IMMP2L: variants seen among roughly 807,000 people sequenced by gnomAD.
The protein encoded by IMMP2L is inner mitochondrial membrane peptidase subunit 2, also known as mitochondrial inner membrane protease subunit 2.
A neutral mutation model predicts 19.3 loss-of-function variants in IMMP2L; 18 were observed. The ratio of observed to expected loss-of-function variants is 0.93; its 90% CI spans 0.64 to 1.38. IMMP2L has a LOEUF of 1.38. Among genes scored for constraint, IMMP2L ranks in the 40% most tolerant of loss-of-function variants. The pLI is 0.00. For missense variants in IMMP2L, 233 were observed against 218.2 expected (o/e 1.07, Z -0.43); for synonymous variants, 76 against 73.0 (o/e 1.04, Z -0.21).
chr7:111,176,972 T>C lies in IMMP2L; in HGVS notation c.240-213407A>G, dbSNP rs574776741. On this transcript the variant is annotated intron_variant, in intron 3 of 5. Transcript: ENST00000405709. Reference sequence around the variant, plus strand: ...CCTTTCTTTCTGCATAATTCTTTTCTTCCTGAATATACACTTCATTGGATG... The same window carrying C: ...CCTTTCTTTCTGCATAATTCTTTTCCTCCTGAATATACACTTCATTGGATG... Among the ~76,000 whole-genome samples the C allele has an allele frequency of 6.6e-5, 10 of 152,134 alleles. No homozygotes were observed. The East Asian group carries it at 1.9e-3, about 30-fold the overall frequency.
At chr7:110,766,472 A>C (rs1798669601) in intron 5 of IMMP2L, among the ~76,000 whole-genome samples, 1 of 151,440 alleles carries the variant, frequency 6.6e-6, no homozygotes, top group Admixed American at 6.6e-5. Context: ...CGCGCTTGTA[A>C]TCCCAGTTAC....
At chr7:110,811,333 G>T (rs1802020136) in intron 5 of IMMP2L, among the ~76,000 whole-genome samples, 1 of 151,950 alleles carries the variant, frequency 6.6e-6, no homozygotes, top group Non-Finnish European at 1.5e-5. Flanking sequence ...GACTCATAAA[G>T]AAGATATCAC....
chr7:111,111,667 G>T (rs1799220146), intron 3 of IMMP2L, among the ~76,000 whole-genome samples: 1 of 151,776 alleles, frequency 6.6e-6, no homozygotes, highest in Non-Finnish European at 1.5e-5. Flanking sequence ...GTCCCCCCCT[G>T]CGTCAATAGT....
intron 3 of IMMP2L, among the ~76,000 whole-genome samples, chr7:111,185,400 T>C (rs771972675): frequency 3.3e-5 from 5 of 152,128 alleles, no homozygotes; most frequent in Non-Finnish European, 5.9e-5. Flanking sequence ...TGTCTGAATA[T>C]GTTCATTGCA....
At chr7:110,930,958 A>G (rs1815410622) in intron 4 of IMMP2L, among the ~76,000 whole-genome samples, 1 of 152,210 alleles carries the variant, frequency 6.6e-6, no homozygotes, top group African/African-American at 2.4e-5. Context: ...TCACTAATAA[A>G]TTATGTGATC....
Position 111,217,120 on chromosome 7 carries a change from T to TCACACACACACACA in IMMP2L, c.240-253556_240-253555insTGTGTGTGTGTGTG, listed in dbSNP as rs1385796500. On this transcript the variant is annotated intron_variant, in intron 3 of 5. Coordinates refer to ENST00000405709, the MANE Select transcript of IMMP2L (RefSeq NM_032549.4). ...CCGTCTCTCTCTCTCTCTCTCTCTC[T>TCACACACACACACA]CTCTCTCACACACACACACACACAC... Among the ~76,000 whole-genome samples the TCACACACACACACA allele has an allele frequency of 4.8e-4, 66 of 137,894 alleles. 1 individual carries two copies. Among genetic ancestry groups the TCACACACACACACA allele is most frequent in the African/African-American group, 1.8e-3 (60 of 33,250 alleles). The allele number at this position is 137,894 out of a possible 152,430, so 90.5% of individuals were successfully genotyped here. A position where few individuals can be genotyped will look rare whatever the true frequency, so the allele number is the denominator to read the frequency against.
chr7:111,250,305 A>G (rs1815944020), intron 3 of IMMP2L, among the ~76,000 whole-genome samples: 1 of 152,192 alleles, frequency 6.6e-6, no homozygotes, highest in Non-Finnish European at 1.5e-5. Context: ...GGAAGAATCA[A>G]TACCAAGAAA....
intron 3 of IMMP2L, among the ~76,000 whole-genome samples, chr7:111,409,019 A>G (rs1431187460): frequency 6.6e-6 from 1 of 151,778 alleles, no homozygotes; most frequent in Non-Finnish European, 1.5e-5. Flanking sequence ...ACCATTTGTA[A>G]TTGAAAATAA....
intron 3 of IMMP2L, among the ~76,000 whole-genome samples, chr7:111,051,272 A>G (rs927492879): frequency 1.8e-4 from 27 of 152,224 alleles, no homozygotes; most frequent in Non-Finnish European, 2.9e-4. Context: ...TAATAAAACT[A>G]TGCATAGTTT....
intron 3 of IMMP2L, among the ~76,000 whole-genome samples, chr7:111,327,310 G>A (rs895638769): frequency 5.3e-5 from 8 of 151,892 alleles, no homozygotes; most frequent in Non-Finnish European, 8.8e-5. Context: ...TAAAATTCAT[G>A]TAAGAGAAAA....
intron 3 of IMMP2L, among the ~76,000 whole-genome samples, chr7:111,347,156 G>T (rs1410905683): frequency 1.3e-5 from 2 of 152,064 alleles, no homozygotes; most frequent in African/African-American, 2.4e-5. Flanking sequence ...GCTTGAGGAA[G>T]AAGAATTTTG....
chr7:110,934,564 A>G (rs1475562364), intron 4 of IMMP2L, among the ~76,000 whole-genome samples: 1 of 152,146 alleles, frequency 6.6e-6, no homozygotes, highest in African/African-American at 2.4e-5. Flanking sequence ...CCCTCTTCAG[A>G]TTTATTTTCA....
intron 5 of IMMP2L, among the ~76,000 whole-genome samples, chr7:110,850,707 TAAA>T (rs542479859): frequency 3.0e-5 from 4 of 133,172 alleles, no homozygotes; most frequent in Admixed American, 7.5e-5. Flanking sequence ...AAATTCTTAG[TAAA>T]AAAAAAAAGA....
At chr7:110,712,886 C>T (rs1267388650) in intron 5 of IMMP2L, among the ~76,000 whole-genome samples, 3 of 138,208 alleles carry the variant, frequency 2.2e-5, no homozygotes, top group Non-Finnish European at 3.1e-5. Context: ...AGTGCGCACA[C>T]ACACTGGCCT....
At chr7:111,296,778 C>T (rs1821681771) in intron 3 of IMMP2L, among the ~76,000 whole-genome samples, 1 of 151,860 alleles carries the variant, frequency 6.6e-6, no homozygotes, top group African/African-American at 2.4e-5. Flanking sequence ...AAGTTAAAAA[C>T]AATCCAAATG....
At chr7:111,049,641 G>T (rs534071768) in intron 3 of IMMP2L, among the ~76,000 whole-genome samples, 1 of 152,116 alleles carries the variant, frequency 6.6e-6, no homozygotes, top group Non-Finnish European at 1.5e-5. Context: ...CGTAGCAACA[G>T]AATATTAAAT....
chr7:111,173,664 C>T (rs1302342923), intron 3 of IMMP2L, among the ~76,000 whole-genome samples: 1 of 151,618 alleles, frequency 6.6e-6, no homozygotes, highest in East Asian at 1.9e-4. Flanking sequence ...TCTGGAGTAA[C>T]AGTGTCATTT....
chr7:110,850,059 T>C (rs548323492), intron 5 of IMMP2L, among the ~76,000 whole-genome samples: 31 of 152,078 alleles, frequency 2.0e-4, no homozygotes, highest in Non-Finnish European at 4.3e-4. Context: ...AATGATATAA[T>C]TGTCTACCTA....
chr7:110,843,802 T>C (rs1009609568), intron 5 of IMMP2L, among the ~76,000 whole-genome samples: 3 of 152,156 alleles, frequency 2.0e-5, no homozygotes, highest in African/African-American at 7.2e-5. Flanking sequence ...AGGAAGGAAC[T>C]TCTCTTGGCT....
Sources: allele counts gnomAD v4.1 joint callset (sites outside exome capture counted in the v4.1 genomes callset), GRCh38; gene constraint gnomAD v4.1.1; transcripts MANE v1.5; gene names NCBI Gene and HGNC (gene_info 2026-07-23, HGNC 2026-07-21).